The following KHDRBS2 variants were observed in gnomAD, a reference collection of about 807,000 sequenced individuals.
KHDRBS2 encodes the protein KH domain-containing, RNA-binding, signal transduction-associated protein 2.
KHDRBS2 carries 26 observed loss-of-function variants against 44.3 expected under a neutral mutation model. The ratio of observed to expected loss-of-function variants is 0.59; its 90% CI spans 0.43 to 0.81. The LOEUF is 0.81. KHDRBS2 is among the 40% of genes least tolerant of loss of function. The probability of loss-of-function intolerance (pLI) is 0.00; values close to 1 mark genes in which losing one functional copy is unlikely to be tolerated. For missense variants in KHDRBS2, 476 were observed against 433.1 expected, an observed-to-expected ratio of 1.10 and a Z score of -0.88; for synonymous variants, 194 against 151.1, an observed-to-expected ratio of 1.28 and a Z score of -2.08.
intron 2 of KHDRBS2, among the ~76,000 whole-genome samples, chr6:62,156,142 C>G (rs1293306488): frequency 1.3e-5 from 2 of 152,106 alleles, no homozygotes; most frequent in African/African-American, 4.8e-5. Context: ...TGCCATCAAT[C>G]CAATTACACT....
the KHDRBS2 span, among the ~76,000 whole-genome samples, chr6:61,588,403 A>G: frequency 6.6e-6 from 1 of 152,336 alleles, no homozygotes; most frequent in East Asian, 1.9e-4. Flanking sequence ...TTTAACCTCC[A>G]TTATGGTGAC....
chr6:62,101,852 C>A (rs1801973153), intron 2 of KHDRBS2, among the ~76,000 whole-genome samples: 1 of 152,140 alleles, frequency 6.6e-6, no homozygotes, highest in Non-Finnish European at 1.5e-5. Flanking sequence ...CTGCATCATT[C>A]TTTTATTGTA....
chr6:61,843,806 C>T (rs1433561371), intron 6 of KHDRBS2, among the ~76,000 whole-genome samples: 1 of 151,866 alleles, frequency 6.6e-6, no homozygotes, highest in Admixed American at 6.6e-5. Flanking sequence ...TTATATTAAC[C>T]ACTATTGTGC....
rs542232125 is a variant in KHDRBS2, at chr6:62,116,068, A to G, written c.219+61117T>C. Among the ~76,000 whole-genome samples, 53 of 152,196 alleles carry G rather than the reference A, an allele frequency of 3.5e-4. No homozygotes were observed. In the East Asian group the frequency reaches 9.3e-3, roughly 27 times the overall value. Reference sequence around the variant, plus strand: ...TCAGATATTTCATCATCAAAATAGGAAAAGAAAAAATAAGCACTGTGCTTA... The same window carrying G: ...TCAGATATTTCATCATCAAAATAGGGAAAGAAAAAATAAGCACTGTGCTTA... On this transcript the variant is annotated intron_variant, in intron 2 of 8. Coordinates refer to ENST00000281156, the MANE Select transcript of KHDRBS2 (RefSeq NM_152688.4).
chr6:62,215,623 A>G (rs1829853610), intron 1 of KHDRBS2, among the ~76,000 whole-genome samples: 1 of 151,826 alleles, frequency 6.6e-6, no homozygotes, highest in Non-Finnish European at 1.5e-5. Flanking sequence ...TTACTTCCTT[A>G]GGTTATTTAA....
intron 2 of KHDRBS2, among the ~76,000 whole-genome samples, chr6:62,052,300 A>C (rs1367471336): frequency 6.6e-6 from 1 of 152,006 alleles, no homozygotes; most frequent in Non-Finnish European, 1.5e-5. Flanking sequence ...CCTGAAAAAC[A>C]ATGAGACCTT....
At chr6:62,112,482 C>G (rs1204292148) in intron 2 of KHDRBS2, among the ~76,000 whole-genome samples, 1 of 152,044 alleles carries the variant, frequency 6.6e-6, no homozygotes, top group Admixed American at 6.6e-5. Context: ...TCAGGCAACA[C>G]TCAATAAATA....
chr6:61,616,878 A>G, the KHDRBS2 span, among the ~76,000 whole-genome samples: 1 of 152,316 alleles, frequency 6.6e-6, no homozygotes, highest in Non-Finnish European at 1.5e-5. Flanking sequence ...ATTCAAGAAA[A>G]TCCTCATTTG....
chr6:62,089,691 C>T (rs1262575144), intron 2 of KHDRBS2, among the ~76,000 whole-genome samples: 1 of 152,108 alleles, frequency 6.6e-6, no homozygotes, highest in African/African-American at 2.4e-5. Context: ...GCCCAGGAAT[C>T]CTGGAAAGTT....
chr6:62,080,646 C>T (rs1475673525), intron 2 of KHDRBS2, among the ~76,000 whole-genome samples: 2 of 152,072 alleles, frequency 1.3e-5, no homozygotes, highest in Non-Finnish European at 2.9e-5. Context: ...TCTAGATCAT[C>T]TCAATTTGTC....
At chr6:61,821,359 T>A (rs1202665488) in intron 6 of KHDRBS2, among the ~76,000 whole-genome samples, 1 of 152,022 alleles carries the variant, frequency 6.6e-6, no homozygotes, top group Non-Finnish European at 1.5e-5. Context: ...AATTTTTATA[T>A]TTGCTAAAAT....
chr6:61,726,312 TATC>T (rs1404456594), intron 7 of KHDRBS2, among the ~76,000 whole-genome samples: 1 of 152,118 alleles, frequency 6.6e-6, no homozygotes, highest in Non-Finnish European at 1.5e-5. Context: ...TCACAGCTAA[TATC>T]ATACTAAATG....
chr6:62,243,398 G>A (rs1327142786), intron 1 of KHDRBS2, among the ~76,000 whole-genome samples: 1 of 151,956 alleles, frequency 6.6e-6, no homozygotes, highest in Non-Finnish European at 1.5e-5. Flanking sequence ...CTATACAGCA[G>A]ATACCCTAAG....
At chr6:62,158,945 G>C (rs1454315187) in intron 2 of KHDRBS2, among the ~76,000 whole-genome samples, 1 of 151,892 alleles carries the variant, frequency 6.6e-6, no homozygotes, top group African/African-American at 2.4e-5. Context: ...TAGGAAAACT[G>C]TTCAAATGTA....
At chr6:61,563,637 A>G in the KHDRBS2 span, among the ~76,000 whole-genome samples, 1 of 152,088 alleles carries the variant, frequency 6.6e-6, no homozygotes, top group Admixed American at 6.6e-5. Flanking sequence ...ATAGGAATCA[A>G]GGGCAATTTT....
At chr6:62,066,281 T>G (rs901565312) in intron 2 of KHDRBS2, among the ~76,000 whole-genome samples, 1 of 151,730 alleles carries the variant, frequency 6.6e-6, no homozygotes, top group Non-Finnish European at 1.5e-5. Context: ...AAATCATCTG[T>G]AGAGGTACCT....
the KHDRBS2 span, among the ~76,000 whole-genome samples, chr6:61,605,045 C>G: frequency 6.6e-6 from 1 of 152,156 alleles, no homozygotes; most frequent in African/African-American, 2.4e-5. Context: ...CTTTTAAAAA[C>G]ACACCTCACC....
At chr6:62,253,101 TA>T (rs1836808878) in intron 1 of KHDRBS2, among the ~76,000 whole-genome samples, 1 of 152,046 alleles carries the variant, frequency 6.6e-6, no homozygotes, top group Non-Finnish European at 1.5e-5. Context: ...TTATATTCTT[TA>T]CAAAAAACAG....
At chr6:61,694,889 T>C (rs1286762137) in intron 8 of KHDRBS2, among the ~76,000 whole-genome samples, 1 of 152,206 alleles carries the variant, frequency 6.6e-6, no homozygotes, top group East Asian at 1.9e-4. Flanking sequence ...ATTATGTTAA[T>C]TTGTTTTGGA....
Sources: allele counts gnomAD v4.1 joint callset (sites outside exome capture counted in the v4.1 genomes callset), GRCh38; gene constraint gnomAD v4.1.1; transcripts MANE v1.5; gene names NCBI Gene and HGNC (gene_info 2026-07-23, HGNC 2026-07-21).